ROBO2: variants seen among roughly 807,000 people sequenced by gnomAD.
ROBO2 encodes the protein roundabout guidance receptor 2, also known as roundabout homolog 2.
In ROBO2, 53 loss-of-function variants were observed where a neutral mutation model predicts 160.8. That is an observed-to-expected ratio of 0.33 (90% confidence interval 0.26 to 0.41). The LOEUF is 0.41. Ranked by LOEUF, ROBO2 falls within the 10% of genes least tolerant of loss-of-function variation. The pLI is 1.00. For synonymous variants in ROBO2, 664 were observed against 611.7 expected, an observed-to-expected ratio of 1.09 and a Z score of -1.26; for missense variants, 1,577 against 1,722.4, an observed-to-expected ratio of 0.92 and a Z score of 1.49.
intron 2 of ROBO2, among the ~76,000 whole-genome samples, chr3:76,566,341 A>G (rs914958768): frequency 1.3e-5 from 2 of 152,238 alleles, no homozygotes; most frequent in Non-Finnish European, 2.9e-5. Context: ...GTAGAGAGGC[A>G]GATGGAGGCA....
intron 20 of ROBO2, among the ~76,000 whole-genome samples, chr3:77,605,008 A>G (rs1002002998): frequency 1.3e-5 from 2 of 151,722 alleles, no homozygotes; most frequent in African/African-American, 4.8e-5. Flanking sequence ...TCTGAAAAAA[A>G]TACAAAAATT....
intron 2 of ROBO2, among the ~76,000 whole-genome samples, chr3:76,314,600 G>A (rs1252725920): frequency 1.3e-5 from 2 of 152,026 alleles, no homozygotes; most frequent in African/African-American, 4.8e-5. Context: ...CCTACTTAAT[G>A]TGAAGACATG....
intron 2 of ROBO2, among the ~76,000 whole-genome samples, chr3:76,165,835 C>T (rs950177306): frequency 7.9e-5 from 12 of 152,006 alleles, no homozygotes; most frequent in Admixed American, 3.9e-4. Context: ...CAGAAATTAG[C>T]TCATGAGGTT....
chr3:76,580,113 A>G (rs547037060), intron 2 of ROBO2, among the ~76,000 whole-genome samples: 15 of 152,258 alleles, frequency 9.9e-5, no homozygotes, highest in Admixed American at 3.9e-4. Context: ...GATTTAGGAT[A>G]TCAGTAGGAG....
chr3:76,468,767 C>A (rs535458291), intron 2 of ROBO2, among the ~76,000 whole-genome samples: 1 of 152,162 alleles, frequency 6.6e-6, no homozygotes, highest in South Asian at 2.1e-4. Context: ...ATAGGTTAAA[C>A]CTGTTCTATT....
rs550934112 is a variant in ROBO2, at chr3:77,164,971, C to T, written c.388+66631C>T. Among the ~76,000 whole-genome samples the T allele has an allele frequency of 4.7e-5, 7 of 149,262 alleles. 2 individuals are homozygous for T. Among genetic ancestry groups the T allele is most frequent in the African/African-American group, 7.4e-5 (3 of 40,722 alleles). On this transcript the variant is annotated intron_variant, in intron 2 of 25. Transcript: ENST00000461745. ...AGCCCCCCAACCCGGCCAGCCGCCC[C>T]GTCCGGGAGGTGAGGGGCGCCTCTG...
intron 21 of ROBO2, among the ~76,000 whole-genome samples, chr3:77,615,960 C>T (rs1256029793): frequency 6.6e-6 from 1 of 152,126 alleles, no homozygotes; most frequent in Admixed American, 6.5e-5. Flanking sequence ...ATCACAGTTT[C>T]CCTAATGAAT....
chr3:76,949,632 G>A (rs1418858740), intron 2 of ROBO2, among the ~76,000 whole-genome samples: 1 of 152,050 alleles, frequency 6.6e-6, no homozygotes, highest in Non-Finnish European at 1.5e-5. Context: ...TGCTTCTATC[G>A]TACTTGTTTA....
At chr3:77,352,874 T>C (rs2068544895) in intron 2 of ROBO2, among the ~76,000 whole-genome samples, 3 of 152,188 alleles carry the variant, frequency 2.0e-5, no homozygotes, top group African/African-American at 7.2e-5. Flanking sequence ...AAAATGCAGA[T>C]GGCGAGTATT....
chr3:77,339,803 A>G (rs2066873536), intron 2 of ROBO2, among the ~76,000 whole-genome samples: 1 of 152,038 alleles, frequency 6.6e-6, no homozygotes, highest in Admixed American at 6.6e-5. Context: ...AAACATGCAG[A>G]CATTTCATAG....
chr3:76,244,043 T>A (rs1473173857), intron 2 of ROBO2, among the ~76,000 whole-genome samples: 2 of 152,198 alleles, frequency 1.3e-5, no homozygotes, highest in African/African-American at 4.8e-5. Flanking sequence ...GTATTTACTG[T>A]GCCAGGCACT....
At chr3:77,149,364 CAT>C (rs1297683131) in intron 2 of ROBO2, among the ~76,000 whole-genome samples, 2 of 152,032 alleles carry the variant, frequency 1.3e-5, no homozygotes, top group African/African-American at 4.8e-5. Context: ...ATCTCGCAAA[CAT>C]ATGTGTGAAG....
intron 2 of ROBO2, among the ~76,000 whole-genome samples, chr3:75,971,859 A>G (rs1045861659): frequency 6.6e-6 from 1 of 151,610 alleles, no homozygotes; most frequent in Non-Finnish European, 1.5e-5. Context: ...AGCCTCTTCC[A>G]TTAATTAGAA....
intron 2 of ROBO2, among the ~76,000 whole-genome samples, chr3:76,566,864 G>A (rs1298956249): frequency 1.3e-5 from 2 of 152,140 alleles, no homozygotes; most frequent in Non-Finnish European, 2.9e-5. Flanking sequence ...TGAAACAACA[G>A]CCCAATTCTG....
chr3:76,251,751 G>A (rs1706016512), intron 2 of ROBO2, among the ~76,000 whole-genome samples: 1 of 152,020 alleles, frequency 6.6e-6, no homozygotes, highest in African/African-American at 2.4e-5. Context: ...TTAGTTTGAA[G>A]CTAGGATAAA....
chr3:76,461,622 G>T (rs1035843323), intron 2 of ROBO2, among the ~76,000 whole-genome samples: 1 of 152,144 alleles, frequency 6.6e-6, no homozygotes, highest in Non-Finnish European at 1.5e-5. Context: ...ATTTCTAAAA[G>T]TGTTATTTAA....
chr3:76,002,672 A>G (rs2065920934), intron 2 of ROBO2, among the ~76,000 whole-genome samples: 3 of 152,138 alleles, frequency 2.0e-5, no homozygotes, highest in Admixed American at 1.3e-4. Context: ...CTTTTTCTGT[A>G]TAAATTACCC....
intron 2 of ROBO2, among the ~76,000 whole-genome samples, chr3:76,429,811 C>G (rs1481480716): frequency 6.6e-6 from 1 of 152,160 alleles, no homozygotes; most frequent in African/African-American, 2.4e-5. Flanking sequence ...TTGCCATCTG[C>G]TAACATGGCA....
intron 2 of ROBO2, among the ~76,000 whole-genome samples, chr3:76,178,147 A>G (rs2073296463): frequency 6.6e-6 from 1 of 152,282 alleles, no homozygotes; most frequent in Non-Finnish European, 1.5e-5. Flanking sequence ...TTTAGTTAAT[A>G]TTATAGACTT....
Sources: gnomAD v4.1 joint callset for allele counts (sites outside exome capture counted in the v4.1 genomes callset) on GRCh38, gnomAD v4.1.1 for gene constraint, MANE v1.5 for transcripts, NCBI Gene and HGNC (gene_info 2026-07-23, HGNC 2026-07-21) for gene names.